The following TTC17 variants were observed in gnomAD, a reference collection of about 807,000 sequenced individuals.
TTC17 encodes tetratricopeptide repeat domain 17.
TTC17 carries 58 observed loss-of-function variants against 143.8 expected under a neutral mutation model. The observed-to-expected ratio is 0.40, with a 90% CI of 0.33 to 0.50. TTC17 has a LOEUF of 0.50. Among genes scored for constraint, TTC17 ranks in the 20% least tolerant of loss-of-function variants. TTC17 has a pLI of 0.49. For missense variants in TTC17, 1,273 were observed against 1,392.5 expected (o/e 0.91, Z 1.37); for synonymous variants, 501 against 497.8 (o/e 1.01, Z -0.09).
At position 43,391,883 on chromosome 11, in the gene TTC17, A is replaced by C; in HGVS notation, c.594A>C (p.Thr198=). ...TACCTAAAGAAGACCCAATCTTCAC[A>C]TATTTATCTAAACGGTTAGGAAGGA... ...PLLPKEDPIF[T]YLSKRLGRSI... Residue 198 remains threonine (T), a synonymous_variant, in exon 5 of 24, where the codon ACA becomes ACC. Coordinates refer to ENST00000039989, the MANE Select transcript of TTC17 (RefSeq NM_018259.6). 6.2e-7 allele frequency: 1 copy of C among 1,614,056 alleles called. No individual in the cohort carries two copies. The highest frequency in any genetic ancestry group is 8.5e-7 in the Non-Finnish European group (1 of 1,179,980).
At chr11:43,452,805 C>CTCAG (rs1947688668) in intron 21 of TTC17, among the ~76,000 whole-genome samples, 1 of 151,938 alleles carries the variant, frequency 6.6e-6, no homozygotes. Context: ...CACCTGTAGT[C>CTCAG]TCAGCTACTT....
chr11:43,470,176 G>C (rs564601427), intron 21 of TTC17, among the ~76,000 whole-genome samples: 4 of 152,194 alleles, frequency 2.6e-5, no homozygotes, highest in Non-Finnish European at 5.9e-5. Context: ...TACTGACCAC[G>C]TTAGATAGTC....
At chr11:43,489,657 G>A (rs1948438521) in intron 21 of TTC17, 1 of 151,324 alleles carries the variant, frequency 6.6e-6, no homozygotes, top group African/African-American at 2.4e-5. Flanking sequence ...AGAATCGCTT[G>A]AACCTGGGAG....
chr11:43,492,381 C>T (rs1239411611), intron 23 of TTC17, among the ~76,000 whole-genome samples: 3 of 152,160 alleles, frequency 2.0e-5, no homozygotes, highest in African/African-American at 7.2e-5. Flanking sequence ...TACGTAGTTC[C>T]TCAACATGAG....
intron 10 of TTC17, among the ~76,000 whole-genome samples, chr11:43,402,187 A>T (rs1257670192): frequency 1.3e-5 from 2 of 152,060 alleles, no homozygotes; most frequent in Admixed American, 1.3e-4. Flanking sequence ...CTCTTTTACC[A>T]TGGGAGCTAG....
At chr11:43,440,875 A>G (rs1165220566) in intron 16 of TTC17, among the ~76,000 whole-genome samples, 2 of 152,036 alleles carry the variant, frequency 1.3e-5, no homozygotes, top group Non-Finnish European at 2.9e-5. Context: ...TATTCTAATT[A>G]ATTTGAAATT....
chr11:43,473,964 C>G (rs1441533169), intron 21 of TTC17, among the ~76,000 whole-genome samples: 1 of 151,910 alleles, frequency 6.6e-6, no homozygotes, highest in African/African-American at 2.4e-5. Flanking sequence ...ATTATACATT[C>G]ATTTACCCTT....
At chr11:43,401,590 A>T in intron 10 of TTC17, 32 bp downstream of exon 10, 1 of 1,452,204 alleles carries the variant, frequency 6.9e-7, no homozygotes, top group Middle Eastern at 1.8e-4. Context: ...AATTCTTATA[A>T]ACGTTTGCTT....
chr11:43,463,375 C>G (rs1281571975), intron 21 of TTC17, among the ~76,000 whole-genome samples: 2 of 151,622 alleles, frequency 1.3e-5, no homozygotes, highest in African/African-American at 4.9e-5. Flanking sequence ...AGAAATCATA[C>G]AAAATAAAAA....
chr11:43,414,517 A>G (rs1011837951), intron 15 of TTC17, 73 bp from the exon 16 acceptor site: 7 of 1,497,978 alleles, frequency 4.7e-6, no homozygotes, highest in African/African-American at 1.4e-5. Flanking sequence ...CAAAAGCCAT[A>G]TACTGTAAAC....
In TTC17 at chr11:43,397,452, C is replaced by T. The variant is rs1032038487; in HGVS notation, c.879C>T (p.Asp293=). 2.5e-6 allele frequency: 4 copies of T among 1,612,920 alleles called. No homozygotes were observed. Among genetic ancestry groups the T allele is most frequent in the African/African-American group, 2.7e-5 (2 of 74,802 alleles). ...TCCATGCAGCTCTGGATGACAGTGA[C>T]TTCTTCACCAGCTATTACACTTTGG... The part of the protein sequence containing the change: ...VVVHAALDDS[D]FFTSYYTLGN... Residue 293 remains aspartate, a synonymous_variant, in exon 7 of 24, where the codon GAC becomes GAT. Coordinates refer to ENST00000039989, the MANE Select transcript of TTC17 (RefSeq NM_018259.6).
chr11:43,489,135 G>A (rs539062604), intron 21 of TTC17, among the ~76,000 whole-genome samples: 8 of 152,052 alleles, frequency 5.3e-5, no homozygotes, highest in Admixed American at 1.3e-4. Context: ...CTTCAAACTC[G>A]GGAAGCTTAT....
chr11:43,440,606 C>G (rs1947394351), intron 16 of TTC17, among the ~76,000 whole-genome samples: 1 of 152,150 alleles, frequency 6.6e-6, no homozygotes, highest in Non-Finnish European at 1.5e-5. Context: ...AAAGATTATT[C>G]AATACCTTTC....
chr11:43,470,584 C>T (rs56284480), intron 21 of TTC17, among the ~76,000 whole-genome samples: 14,165 of 152,188 alleles, frequency 0.093, 2,232 homozygotes, highest in African/African-American at 0.32. Flanking sequence ...CATATGTTAC[C>T]TGTAACAGAT....
intron 4 of TTC17, 55 bp from the exon 5 acceptor site, chr11:43,391,762 ATTAT>A (rs1208532328): frequency 1.5e-5 from 24 of 1,579,094 alleles, no homozygotes; most frequent in Middle Eastern, 1.7e-4. Flanking sequence ...AAGATACTGA[ATTAT>A]TTGTCATCTT....
intron 21 of TTC17, among the ~76,000 whole-genome samples, chr11:43,458,822 CA>C (rs1947811113): frequency 6.6e-6 from 1 of 152,262 alleles, no homozygotes; most frequent in South Asian, 2.1e-4. Context: ...GAGAAAGATG[CA>C]GACCACATCC....
In TTC17 at chr11:43,379,441, G is replaced by A; in HGVS notation, c.249+119G>A. ...AAGTCTGAGTCTTCTGACTTTTGCG[G>A]GAATATACTACCTGCAATGTGTGTG... On this transcript the variant is annotated intron_variant, in intron 2 of 23. Coordinates refer to ENST00000039989, the MANE Select transcript of TTC17 (RefSeq NM_018259.6). 9.0e-6 allele frequency: 7 copies of A among 776,454 alleles called. No homozygotes were observed. The East Asian group carries it at 1.8e-4, about 20-fold the overall frequency. The allele number at this position is 776,454 out of a possible 1,614,324, so 48.1% of individuals were successfully genotyped here. A position where few individuals can be genotyped will look rare whatever the true frequency, so the allele number is the denominator to read the frequency against.
chr11:43,363,343 G>A (rs1856192361), intron 1 of TTC17, among the ~76,000 whole-genome samples: 2 of 152,124 alleles, frequency 1.3e-5, no homozygotes, highest in Admixed American at 6.5e-5. Context: ...TTGCCTAAGA[G>A]CCTAACCACT....
At chr11:43,466,638 A>G in intron 21 of TTC17, 1 of 328,992 alleles carries the variant, frequency 3.0e-6, no homozygotes, top group Admixed American at 3.2e-5. Context: ...ATTTGATGAT[A>G]AGAACTTTAT....
Sources: gnomAD v4.1 joint callset for allele counts (sites outside exome capture counted in the v4.1 genomes callset) on GRCh38, gnomAD v4.1.1 for gene constraint, MANE v1.5 for transcripts, NCBI Gene and HGNC (gene_info 2026-07-23, HGNC 2026-07-21) for gene names.